Variants in ADAMTSL1 observed in about 807,000 individuals in gnomAD.
ADAMTSL1 encodes the protein ADAMTS like 1, also known as ADAMTS-like protein 1.
A neutral mutation model predicts 201.8 loss-of-function variants in ADAMTSL1; 126 were observed. That is an observed-to-expected ratio of 0.62 (90% CI 0.54 to 0.72). The LOEUF (loss-of-function observed/expected upper bound fraction) is 0.72, where lower values mean the gene tolerates loss of function less well. Ranked by LOEUF, ADAMTSL1 falls within the 30% of genes least tolerant of loss-of-function variation. The pLI is 0.00. For synonymous variants in ADAMTSL1, 1,121 were observed against 903.4 expected, an observed-to-expected ratio of 1.24 and a Z score of -4.32; for missense variants, 2,679 against 2,277.8, an observed-to-expected ratio of 1.18 and a Z score of -3.59.
rs914519094 is a variant in ADAMTSL1 at position 18,020,722 on chromosome 9, G to A, written c.87+113800G>A. On this transcript the variant is annotated intron_variant, in intron 1 of 29. Coordinates refer to the ADAMTSL1 transcript ENST00000680146. Reference sequence around the variant, plus strand: ...GACACAGAGTCAAACCATATCACCCGGGTTCCTTGGAACAGGCATCAACTG... The same window carrying A: ...GACACAGAGTCAAACCATATCACCCAGGTTCCTTGGAACAGGCATCAACTG... Among the ~76,000 whole-genome samples the A allele has an allele frequency of 4.6e-5, 7 of 151,960 alleles. No homozygotes were observed. The East Asian group carries it at 7.8e-4, about 17-fold the overall frequency.
chr9:17,952,817 A>T (rs1827780765), intron 1 of ADAMTSL1, among the ~76,000 whole-genome samples: 1 of 152,122 alleles, frequency 6.6e-6, no homozygotes, highest in Non-Finnish European at 1.5e-5. Flanking sequence ...ATGAGCCACC[A>T]TGCCCAGCCA....
chr9:18,560,386 G>C (rs887687071), intron 3 of ADAMTSL1, among the ~76,000 whole-genome samples: 4 of 152,170 alleles, frequency 2.6e-5, no homozygotes, highest in African/African-American at 9.7e-5. Context: ...TAAGCTTTTT[G>C]ATGTGCTACT....
At chr9:18,829,452 A>G (rs1261430657) in intron 22 of ADAMTSL1, among the ~76,000 whole-genome samples, 6 of 152,236 alleles carry the variant, frequency 3.9e-5, no homozygotes, top group Non-Finnish European at 5.9e-5. Flanking sequence ...AGCTAAATGA[A>G]AAATGGACTG....
chr9:18,573,531 C>T (rs1249101704), intron 3 of ADAMTSL1, among the ~76,000 whole-genome samples: 2 of 152,142 alleles, frequency 1.3e-5, no homozygotes, highest in African/African-American at 4.8e-5. Flanking sequence ...AAGTCCTAGA[C>T]AAAAAATTAC....
At chr9:18,239,086 A>G (rs977510756) in intron 2 of ADAMTSL1, among the ~76,000 whole-genome samples, 2 of 152,250 alleles carry the variant, frequency 1.3e-5, no homozygotes, top group African/African-American at 4.8e-5. Context: ...AAAAATGCTA[A>G]TGATTATCTG....
chr9:18,860,469 T>C (rs781030663), intron 23 of ADAMTSL1, among the ~76,000 whole-genome samples: 3 of 151,540 alleles, frequency 2.0e-5, no homozygotes, highest in Non-Finnish European at 4.4e-5. Context: ...ACAGAGACCA[T>C]ATGGCTCACA....
At chr9:18,468,399 A>G (rs748806342) in intron 2 of ADAMTSL1, among the ~76,000 whole-genome samples, 6 of 152,184 alleles carry the variant, frequency 3.9e-5, no homozygotes, top group Non-Finnish European at 7.3e-5. Flanking sequence ...CCAGAGTTTC[A>G]TTAAATCTTT....
intron 1 of ADAMTSL1, among the ~76,000 whole-genome samples, chr9:18,041,258 C>T (rs1291430329): frequency 6.6e-6 from 1 of 152,122 alleles, no homozygotes; most frequent in Non-Finnish European, 1.5e-5. Flanking sequence ...ATTAATTTAG[C>T]ACATTTATTT....
intron 1 of ADAMTSL1, among the ~76,000 whole-genome samples, chr9:18,020,944 T>A (rs1294704019): frequency 6.6e-6 from 1 of 152,114 alleles, no homozygotes; most frequent in East Asian, 1.9e-4. Context: ...ATAACTTCAA[T>A]GCCACCCTTT....
rs772002375 is a variant in ADAMTSL1 at position 18,573,989 on chromosome 9, C to T, written c.238-41C>T. The T allele has an allele frequency of 9.7e-6, 15 of 1,540,896 alleles. No individual in the cohort carries two copies. In the African/African-American group the frequency reaches 1.8e-4, roughly 18 times the overall value. ...GCTCTGGTTTCATGTTTGGGGGTAT[C>T]CTCCTAACCTTTGTATGTCCTTTCT... On this transcript the variant is annotated intron_variant, in intron 3 of 28. Coordinates refer to ENST00000380548, the MANE Select transcript of ADAMTSL1 (RefSeq NM_001040272.6).
intron 2 of ADAMTSL1, among the ~76,000 whole-genome samples, chr9:18,413,669 G>A (rs1035852583): frequency 6.6e-6 from 1 of 152,172 alleles, no homozygotes; most frequent in African/African-American, 2.4e-5. Flanking sequence ...AGGAAGGAAA[G>A]ATGGAAGAAA....
chr9:17,997,407 G>A (rs1819427669), intron 1 of ADAMTSL1, among the ~76,000 whole-genome samples: 1 of 152,036 alleles, frequency 6.6e-6, no homozygotes, highest in African/African-American at 2.4e-5. Flanking sequence ...ATATGGGCAA[G>A]GGAATACACA....
At chr9:18,240,276 A>C (rs1352231189) in intron 2 of ADAMTSL1, among the ~76,000 whole-genome samples, 2 of 152,114 alleles carry the variant, frequency 1.3e-5, no homozygotes, top group Non-Finnish European at 1.5e-5. Context: ...ATCTCCTTAC[A>C]TCTCTATCAG....
In ADAMTSL1 at chr9:18,301,988, C is replaced by T. The variant is rs139889307; in HGVS notation, c.207+138007C>T. On this transcript the variant is annotated intron_variant, in intron 2 of 29. Transcript: ENST00000680146. ...ACCTCAGACACATGATCATAGAGGC[C>T]TCAGTATGTCCAAAGAGAAAGTCTG... Among the ~76,000 whole-genome samples, 4 of 152,242 alleles carry T rather than the reference C, an allele frequency of 2.6e-5. No homozygotes were observed. In the East Asian group the frequency reaches 5.8e-4, roughly 22 times the overall value.
intron 1 of ADAMTSL1, among the ~76,000 whole-genome samples, chr9:18,012,578 G>T (rs973779976): frequency 6.6e-6 from 1 of 152,056 alleles, no homozygotes; most frequent in South Asian, 2.1e-4. Context: ...TTAAAAGCAT[G>T]AGGGAAGAGA....
At chr9:18,787,042 G>C (rs936137226) in intron 19 of ADAMTSL1, among the ~76,000 whole-genome samples, 1 of 152,180 alleles carries the variant, frequency 6.6e-6, no homozygotes, top group Non-Finnish European at 1.5e-5. Flanking sequence ...AACCATAGTT[G>C]TGAATAATTC....
At chr9:18,579,476 C>A (rs1407912950) in intron 4 of ADAMTSL1, among the ~76,000 whole-genome samples, 1 of 150,796 alleles carries the variant, frequency 6.6e-6, no homozygotes, top group Non-Finnish European at 1.5e-5. Context: ...GCACATGTAC[C>A]CTAAAACTTA....
At chr9:18,380,493 C>T (rs1174692023) in intron 2 of ADAMTSL1, among the ~76,000 whole-genome samples, 1 of 152,190 alleles carries the variant, frequency 6.6e-6, no homozygotes, top group East Asian at 1.9e-4. Flanking sequence ...TCTTCCCTCC[C>T]TTCCCCCACC....
chr9:18,279,528 C>A (rs1047633928), intron 2 of ADAMTSL1, among the ~76,000 whole-genome samples: 2 of 151,592 alleles, frequency 1.3e-5, no homozygotes, highest in Admixed American at 6.6e-5. Flanking sequence ...GCAGGCACTT[C>A]TTCTATTCTT....
Sources: allele counts gnomAD v4.1 joint callset (sites outside exome capture counted in the v4.1 genomes callset), GRCh38; gene constraint gnomAD v4.1.1; transcripts MANE v1.5; gene names NCBI Gene and HGNC (gene_info 2026-07-23, HGNC 2026-07-21).